The following BFAR variants were observed in gnomAD, a reference collection of about 807,000 sequenced individuals.
BFAR encodes RING finger protein 47.
In BFAR, 52 loss-of-function variants were observed where a neutral mutation model predicts 54.4. The ratio of observed to expected loss-of-function variants is 0.96; its 90% CI spans 0.77 to 1.21. The LOEUF is 1.21. Among genes scored for constraint, BFAR ranks in the 50% most tolerant of loss-of-function variants. The pLI is 0.00. For synonymous variants in BFAR, 215 were observed against 204.3 expected (o/e 1.05, Z -0.45); for missense variants, 571 against 534.0 (o/e 1.07, Z -0.68).
At position 14,649,992 on chromosome 16, in the gene BFAR, T is replaced by C. The variant is rs757144891; in HGVS notation, c.638+19T>C. The C allele has an allele frequency of 1.3e-6, 2 of 1,593,280 alleles. No homozygotes were observed. The highest frequency in any genetic ancestry group is 1.7e-5 in the Admixed American group (1 of 57,810). On this transcript the variant is annotated intron_variant, in intron 4 of 7. Transcript: ENST00000261658. The stretch of plus-strand genomic sequence containing the variant: ...ATGGAAGGTGAGGAGCAAAGTCTTC[T>C]GACACACCGTGGACATTTTAGAAAA...
chr16:14,665,316 C>A, intron 7 of BFAR: 58 of 396,862 alleles, frequency 1.5e-4, no homozygotes, highest in East Asian at 1.8e-4. Flanking sequence ...AATAATATAC[C>A]ATTTAATTTC....
At chr16:14,637,667 C>G (rs1161596681) in intron 1 of BFAR, among the ~76,000 whole-genome samples, 1 of 152,070 alleles carries the variant, frequency 6.6e-6, no homozygotes, top group African/African-American at 2.4e-5. Context: ...GAAACCCCAT[C>G]TCTACGAAAA....
chr16:14,662,664 C>T (rs767903900), intron 6 of BFAR, among the ~76,000 whole-genome samples: 16 of 152,098 alleles, frequency 1.1e-4, no homozygotes, highest in African/African-American at 1.4e-4. Flanking sequence ...GGACTACAGG[C>T]GAGCACCACC....
At chr16:14,634,197 G>GA (rs1959360049) in intron 1 of BFAR, among the ~76,000 whole-genome samples, 1 of 152,210 alleles carries the variant, frequency 6.6e-6, no homozygotes, top group Non-Finnish European at 1.5e-5. Flanking sequence ...CAATAGGAAA[G>GA]AGCTTTACTC....
intron 1 of BFAR, 34 bp from the exon 2 acceptor site, chr16:14,644,240 T>C: frequency 8.8e-7 from 1 of 1,137,552 alleles, no homozygotes; most frequent in Non-Finnish European, 1.3e-6. Flanking sequence ...CAACTACTAT[T>C]TGCCTTATTT....
intron 1 of BFAR, among the ~76,000 whole-genome samples, chr16:14,634,247 G>T (rs1157375704): frequency 6.6e-6 from 1 of 152,222 alleles, no homozygotes; most frequent in Admixed American, 6.5e-5. Flanking sequence ...GGGACTGCAC[G>T]TGCTGATGGG....
chr16:14,665,120 C>A, intron 7 of BFAR, 49 bp downstream of exon 7: 1 of 1,487,540 alleles, frequency 6.7e-7, no homozygotes, highest in Non-Finnish European at 9.3e-7. Context: ...AAAGAAATAC[C>A]AAGTGAGAGA....
At chr16:14,646,345 G>A (rs925228764) in intron 2 of BFAR, among the ~76,000 whole-genome samples, 2 of 152,006 alleles carry the variant, frequency 1.3e-5, no homozygotes, top group Non-Finnish European at 2.9e-5. Flanking sequence ...GAGCCACCGT[G>A]CCTGGTGAAT....
intron 6 of BFAR, 111 bp downstream of exon 6, chr16:14,662,176 A>G: frequency 3.9e-6 from 5 of 1,267,534 alleles, no homozygotes; most frequent in Non-Finnish European, 5.6e-6. Context: ...GAACTCCTTC[A>G]GAATGTCTGG....
intron 6 of BFAR, 77 bp from the exon 7 acceptor site, chr16:14,664,792 G>GC: frequency 7.1e-7 from 1 of 1,415,346 alleles, no homozygotes; most frequent in South Asian, 1.2e-5. Flanking sequence ...GAGCCACCGT[G>GC]CCTAGCCTGA....
At chr16:14,665,635 C>T (rs918225610) in intron 7 of BFAR, among the ~76,000 whole-genome samples, 1 of 152,188 alleles carries the variant, frequency 6.6e-6, no homozygotes, top group African/African-American at 2.4e-5. Context: ...TGCTTAGGGT[C>T]GGGATCTATG....
In BFAR at chr16:14,667,776, C is replaced by G. The variant is rs755834131; in HGVS notation, c.1302C>G (p.Asn434Lys). ...YWALYFNPII[N>K]IDLVVKELRR... is the part of the protein sequence containing the mutation. Reference sequence around the variant, plus strand: ...CCCTGTACTTTAACCCAATTATTAACATTGATCTTGTGGTCAAGGAACTCC... The same window carrying G: ...CCCTGTACTTTAACCCAATTATTAAGATTGATCTTGTGGTCAAGGAACTCC... Residue 434 changes from asparagine to lysine, a missense_variant, in exon 8 of 8, where the codon AAC (asparagine) becomes AAG (lysine). Coordinates refer to ENST00000261658, the MANE Select transcript of BFAR (RefSeq NM_016561.3). 7.4e-6 allele frequency: 12 copies of G among 1,614,032 alleles called. No homozygotes were observed. In the South Asian group the frequency reaches 1.3e-4, roughly 18 times the overall value.
rs1357779023 is a variant in BFAR, at chr16:14,668,919, CTATATAATCTT to C, written c.*1096_*1106del. 4.8e-6 allele frequency: 1 copy of C among 209,870 alleles called. No individual in the cohort carries two copies. The highest frequency in any genetic ancestry group is 1.0e-5 in the Non-Finnish European group (1 of 97,126). The allele number at this position is 209,870 out of a possible 1,614,324, so 13.0% of individuals were successfully genotyped here. Reference sequence around the variant, plus strand: ...AAATGTTTTGTAAATTGAGCTCACACTATATAATCTTTATTGTCCTATCCTGATGTATAATA... The same window carrying C: ...AAATGTTTTGTAAATTGAGCTCACACTATTGTCCTATCCTGATGTATAATA... On this transcript the variant is annotated 3_prime_UTR_variant, in exon 8 of 8. Transcript: ENST00000261658.
intron 7 of BFAR, among the ~76,000 whole-genome samples, chr16:14,666,470 C>G (rs1355399210): frequency 6.6e-6 from 1 of 152,032 alleles, no homozygotes; most frequent in African/African-American, 2.4e-5. Context: ...ACTCGGGAGG[C>G]TGAGGCAGGA....
chr16:14,663,077 G>C (rs1960337072), intron 6 of BFAR, among the ~76,000 whole-genome samples: 1 of 152,206 alleles, frequency 6.6e-6, no homozygotes, highest in African/African-American at 2.4e-5. Flanking sequence ...AACTGGTTAG[G>C]TCAGGGGTCG....
chr16:14,654,585 G>A (rs562270747), intron 4 of BFAR, among the ~76,000 whole-genome samples: 4 of 140,770 alleles, frequency 2.8e-5, no homozygotes, highest in African/African-American at 8.1e-5. Flanking sequence ...TTAGCTCACT[G>A]CAACCTCCGC....
intron 5 of BFAR, among the ~76,000 whole-genome samples, chr16:14,657,842 C>T (rs1021042022): frequency 1.3e-5 from 2 of 152,206 alleles, no homozygotes; most frequent in Admixed American, 6.5e-5. Context: ...TGCGCCCAGC[C>T]AAGCTGCCAT....
intron 7 of BFAR, chr16:14,667,351 A>G: frequency 2.4e-6 from 1 of 425,502 alleles, no homozygotes; most frequent in South Asian, 6.7e-5. Flanking sequence ...CAAAAGGAAA[A>G]AAAAATATGT....
chr16:14,650,219 A>G lies in BFAR; in HGVS notation c.638+246A>G, dbSNP rs542899329. 9 of 328,236 alleles carry G rather than the reference A, an allele frequency of 2.7e-5. No homozygotes were observed. In the South Asian group the frequency reaches 1.2e-3, roughly 43 times the overall value. The allele number at this position is 328,236 out of a possible 1,614,324, so 20.3% of individuals were successfully genotyped here. On this transcript the variant is annotated intron_variant, in intron 4 of 7. Coordinates refer to ENST00000261658, the MANE Select transcript of BFAR (RefSeq NM_016561.3). ...TAGTGCACACCTTGTAATCCCATCT[A>G]TTCGGGAGGCTGAGACAGGAGAATC... is the stretch of plus-strand genomic sequence containing the variant.
Sources: gnomAD v4.1 joint callset for allele counts (sites outside exome capture counted in the v4.1 genomes callset) on GRCh38, gnomAD v4.1.1 for gene constraint, MANE v1.5 for transcripts, NCBI Gene and HGNC (gene_info 2026-07-23, HGNC 2026-07-21) for gene names.